Variants in C8A observed in about 807,000 individuals in gnomAD.
C8A encodes the protein complement component C8 alpha chain.
In C8A, 67 loss-of-function variants were observed where a neutral mutation model predicts 65.3. The observed-to-expected ratio is 1.03, with a 90% CI of 0.84 to 1.26. The LOEUF is 1.26. C8A is among the 50% of genes most tolerant of loss of function. The pLI is 0.00. For synonymous variants in C8A, 290 were observed against 259.4 expected, an observed-to-expected ratio of 1.12 and a Z score of -1.13; for missense variants, 781 against 723.9, an observed-to-expected ratio of 1.08 and a Z score of -0.90.
chr1:56,876,122 A>G lies in C8A; in HGVS notation c.377A>G (p.Asp126Gly). 2 of 1,613,878 alleles carry G rather than the reference A, an allele frequency of 1.2e-6. No homozygotes were observed. Among genetic ancestry groups the G allele is most frequent in the Non-Finnish European group, 1.7e-6 (2 of 1,179,882 alleles). The part of the protein sequence containing the change: ...NGDQDCLDGS[D>G]EDDCEDVRAI... Reference sequence around the variant, plus strand: ...GACCAGGACTGCCTTGATGGCTCTGATGAGGACGACTGTGAAGATGTCAGG... The same window carrying G: ...GACCAGGACTGCCTTGATGGCTCTGGTGAGGACGACTGTGAAGATGTCAGG... Residue 126 changes from aspartate to glycine, a missense_variant, in exon 4 of 11, where the codon GAT (aspartate) becomes GGT (glycine). Transcript: ENST00000361249.
chr1:56,908,752 A>C (rs1257924082), intron 9 of C8A, among the ~76,000 whole-genome samples: 2 of 152,166 alleles, frequency 1.3e-5, no homozygotes, highest in Non-Finnish European at 2.9e-5. Flanking sequence ...AGGCTCTGAA[A>C]AATCAAGTGA....
rs56232995 is a variant in C8A, at chr1:56,912,842, C to T, written c.1603+217C>T. ...CTTTTCTCAGATGAGAACTGTTTTTCGCCAAGATGTATATGGACAACAGGA... is the reference window on the plus strand; with the variant it reads ...CTTTTCTCAGATGAGAACTGTTTTTTGCCAAGATGTATATGGACAACAGGA... On this transcript the variant is annotated intron_variant, in intron 10 of 10. Coordinates refer to ENST00000361249, the MANE Select transcript of C8A (RefSeq NM_000562.3). Among the ~76,000 whole-genome samples, 120 of 152,250 alleles carry T rather than the reference C, an allele frequency of 7.9e-4. No individual in the cohort carries two copies. In the East Asian group the frequency reaches 0.014, roughly 18 times the overall value.
chr1:56,857,241 G>A (rs1371896092), intron 1 of C8A, among the ~76,000 whole-genome samples: 1 of 151,240 alleles, frequency 6.6e-6, no homozygotes, highest in Non-Finnish European at 1.5e-5. Flanking sequence ...TGTATTTGTG[G>A]ATTTGCCTAC....
At chr1:56,865,570 T>A (rs1178966070) in intron 1 of C8A, among the ~76,000 whole-genome samples, 1 of 152,160 alleles carries the variant, frequency 6.6e-6, no homozygotes, top group African/African-American at 2.4e-5. Flanking sequence ...TGGGGGGACA[T>A]AAACATCAGT....
chr1:56,903,438 A>T (rs772199620), intron 7 of C8A, among the ~76,000 whole-genome samples: 1 of 152,120 alleles, frequency 6.6e-6, no homozygotes. Flanking sequence ...CTGCACTGTG[A>T]GTCAATTAAA....
Position 56,912,476 on chromosome 1 carries a change from G to A in C8A, c.1454G>A (p.Arg485His), listed in dbSNP as rs1620075. The change falls in exon 10 of 11, where the codon CGC becomes CAC. Residue 485 changes from arginine (R) to histidine (H), a missense_variant. Transcript: ENST00000361249. ...GAGGCCAAGCGCCAGAACCTGCGCC[G>A]CGCCTTGGACCAGTATCTGATGGAA... ...PLEAKRQNLR[R>H]ALDQYLMEFN... 2,067 of 1,614,144 alleles carry A rather than the reference G, an allele frequency of 1.3e-3. 10 individuals carry two copies. The Middle Eastern group carries it at 0.025, about 19-fold the overall frequency.
intron 6 of C8A, among the ~76,000 whole-genome samples, chr1:56,885,403 TATATTTATTTAA>T (rs1342253464): frequency 7.5e-6 from 1 of 132,480 alleles, no homozygotes; most frequent in Non-Finnish European, 1.6e-5. Flanking sequence ...TAAATAAATA[TATATTTATTTAA>T]ATATATATTT....
intron 7 of C8A, among the ~76,000 whole-genome samples, chr1:56,898,854 G>C (rs1644404662): frequency 2.0e-5 from 3 of 152,158 alleles, no homozygotes; most frequent in African/African-American, 7.2e-5. Flanking sequence ...GCAGAGTCAG[G>C]GGTGGTATCC....
intron 9 of C8A, among the ~76,000 whole-genome samples, chr1:56,911,054 G>C (rs964897988): frequency 8.1e-5 from 10 of 123,638 alleles, no homozygotes; most frequent in Admixed American, 4.8e-4. Context: ...CATGCAATTT[G>C]AAAAACATGG....
At chr1:56,877,596 T>A (rs1644210882) in intron 4 of C8A, among the ~76,000 whole-genome samples, 1 of 152,176 alleles carries the variant, frequency 6.6e-6, no homozygotes, top group African/African-American at 2.4e-5. Context: ...AATAAACTCT[T>A]TGAGGGCAGA....
intron 2 of C8A, among the ~76,000 whole-genome samples, chr1:56,868,433 A>G (rs1292656622): frequency 1.3e-5 from 2 of 151,516 alleles, no homozygotes; most frequent in South Asian, 2.1e-4. Flanking sequence ...ACATAGCAAG[A>G]CTTAGTCTCT....
chr1:56,896,032 G>T (rs568879033), intron 7 of C8A, among the ~76,000 whole-genome samples: 1 of 152,192 alleles, frequency 6.6e-6, no homozygotes, highest in South Asian at 2.1e-4. Flanking sequence ...GAGTGGTCAA[G>T]AAAGTATTGA....
chr1:56,864,152 A>T (rs1226923098), intron 1 of C8A, among the ~76,000 whole-genome samples: 1 of 152,204 alleles, frequency 6.6e-6, no homozygotes, highest in Non-Finnish European at 1.5e-5. Context: ...GGAGGTTTTC[A>T]ACCAGTCTGG....
chr1:56,902,041 A>G (rs1644430282), intron 7 of C8A, among the ~76,000 whole-genome samples: 1 of 152,120 alleles, frequency 6.6e-6, no homozygotes, highest in African/African-American at 2.4e-5. Flanking sequence ...GTGTTCTTAA[A>G]GTCTCAGGAT....
chr1:56,901,173 T>G (rs1292146136), intron 7 of C8A, among the ~76,000 whole-genome samples: 1 of 152,144 alleles, frequency 6.6e-6, no homozygotes, highest in Non-Finnish European at 1.5e-5. Context: ...TTTTCCAATG[T>G]GATGATAGAA....
At chr1:56,906,905 C>T (rs1484629930) in intron 8 of C8A, 113 bp downstream of exon 8, 15 of 1,304,652 alleles carry the variant, frequency 1.1e-5, no homozygotes, top group Non-Finnish European at 1.6e-5. Flanking sequence ...AGTCAATGAT[C>T]AGACTGCATA....
Position 56,910,387 on chromosome 1 carries a change from C to T in C8A, c.1381-2016C>T, listed in dbSNP as rs376861752. Among the ~76,000 whole-genome samples the T allele has an allele frequency of 4.9e-4, 74 of 152,316 alleles. 2 individuals carry two copies. In the South Asian group the frequency reaches 0.014, roughly 29 times the overall value. Reference sequence around the variant, plus strand: ...CTGCCAATACCTTTTCAAGCTCTAACGTCCCAAGATCCCTCTTCTCCACCT... The same window carrying T: ...CTGCCAATACCTTTTCAAGCTCTAATGTCCCAAGATCCCTCTTCTCCACCT... On this transcript the variant is annotated intron_variant, in intron 9 of 10. Transcript: ENST00000361249.
chr1:56,879,853 A>C (rs776496356), intron 4 of C8A, among the ~76,000 whole-genome samples: 40 of 152,184 alleles, frequency 2.6e-4, no homozygotes, highest in Non-Finnish European at 4.6e-4. Context: ...TTATCCACTT[A>C]TTCCTTTGAA....
chr1:56,917,501 C>T (rs1644561876), intron 10 of C8A, 64 bp from the exon 11 acceptor site: 5 of 1,572,602 alleles, frequency 3.2e-6, no homozygotes, highest in Non-Finnish European at 4.4e-6. Context: ...TGTTCATCAC[C>T]AGACAGGCCC....
Sources: allele counts gnomAD v4.1 joint callset (sites outside exome capture counted in the v4.1 genomes callset), GRCh38; gene constraint gnomAD v4.1.1; transcripts MANE v1.5; gene names NCBI Gene and HGNC (gene_info 2026-07-23, HGNC 2026-07-21).